The following FARP2 variants were observed in gnomAD, a reference collection of about 807,000 sequenced individuals.
The protein encoded by FARP2 is FERM, ARHGEF and pleckstrin domain-containing protein 2.
FARP2 carries 111 observed loss-of-function variants against 130.5 expected under a neutral mutation model. The observed-to-expected ratio is 0.85, with a 90% CI of 0.73 to 1.00. FARP2 has a LOEUF of 1.00. FARP2 is among the 50% of genes least tolerant of loss of function. FARP2 has a pLI of 0.00. For synonymous variants in FARP2, 504 were observed against 516.9 expected, an observed-to-expected ratio of 0.98 and a Z score of 0.34; for missense variants, 1,385 against 1,346.3, an observed-to-expected ratio of 1.03 and a Z score of -0.45.
At chr2:241,456,448 C>A in intron 13 of FARP2, 1 of 301,402 alleles carries the variant, frequency 3.3e-6, no homozygotes. Context: ...TCTGCAGAGC[C>A]CAAAAGAAGC....
At chr2:241,403,668 C>T (rs1007679049) in intron 2 of FARP2, among the ~76,000 whole-genome samples, 160 bp from the exon 3 acceptor site, 5 of 151,888 alleles carry the variant, frequency 3.3e-5, no homozygotes, top group African/African-American at 1.2e-4. Context: ...AGCACAAATG[C>T]TTCAGACTTT....
Position 241,431,685 on chromosome 2 carries a change from A to G in FARP2, c.778A>G (p.Thr260Ala). 3 of 1,577,418 alleles carry G rather than the reference A, an allele frequency of 1.9e-6. No homozygotes were observed. Among genetic ancestry groups the G allele is most frequent in the Non-Finnish European group, 2.6e-6 (3 of 1,149,942 alleles). The change falls in exon 9 of 27, where the codon ACC (threonine) becomes GCC (alanine). Residue 260 changes from threonine (T) to alanine (A), a missense_variant. Thr to Ala is a moderately conservative substitution (Grantham distance 58). Coordinates refer to ENST00000264042, the MANE Select transcript of FARP2 (RefSeq NM_014808.4). The stretch of plus-strand genomic sequence containing the variant: ...TCTGTCTCTTGCATTTCAGGGCACC[A>G]CCAAAATCAACACTTTCAACTGGTC... ...HMGVLVFQGT[T>A]KINTFNWSKV...
In FARP2 at chr2:241,430,520, C is replaced by G. The variant is rs371888067; in HGVS notation, c.772-1159C>G. ...TATCTGTGTCTGTATCTGCTGAAACCAGGAATTCCCATCATTCGCTCCTGT... is the reference window on the plus strand; with the variant it reads ...TATCTGTGTCTGTATCTGCTGAAACGAGGAATTCCCATCATTCGCTCCTGT... On this transcript the variant is annotated intron_variant, in intron 8 of 26. Coordinates refer to ENST00000264042, the MANE Select transcript of FARP2 (RefSeq NM_014808.4). 3.9e-5 allele frequency among the ~76,000 whole-genome samples: 6 copies of G among 152,070 alleles called. No homozygotes were observed. The East Asian group carries it at 5.8e-4, about 15-fold the overall frequency.
chr2:241,358,958 A>C (rs534961940), intron 1 of FARP2, among the ~76,000 whole-genome samples: 1 of 152,338 alleles, frequency 6.6e-6, no homozygotes, highest in African/African-American at 2.4e-5. Context: ...CACACTTTTC[A>C]AAACAATCTG....
At chr2:241,464,060 G>A (rs2064100647) in intron 17 of FARP2, 80 bp downstream of exon 17, 1 of 1,180,720 alleles carries the variant, frequency 8.5e-7, no homozygotes, top group South Asian at 1.3e-5. Flanking sequence ...AGGCCCGTCA[G>A]AACAGCGTCC....
intron 2 of FARP2, chr2:241,386,618 G>C (rs530638863): frequency 6.6e-6 from 1 of 152,252 alleles, no homozygotes; most frequent in African/African-American, 2.4e-5. Context: ...ACGCGTCTTC[G>C]TGCATTGCAT....
chr2:241,364,890 ATATAGTCT>A (rs1391155649), intron 1 of FARP2, among the ~76,000 whole-genome samples: 1 of 152,196 alleles, frequency 6.6e-6, no homozygotes, highest in Non-Finnish European at 1.5e-5. Flanking sequence ...ATCCCTGTAA[ATATAGTCT>A]TATGTTTTTT....
chr2:241,441,634 G>C, intron 13 of FARP2, 78 bp downstream of exon 13: 1 of 1,598,660 alleles, frequency 6.3e-7, no homozygotes, highest in Non-Finnish European at 8.6e-7. Flanking sequence ...CTTAGACCTA[G>C]ACACAGGGAG....
At position 241,366,129 on chromosome 2, in the gene FARP2, A is replaced by ATATATACATATATATATATACG. The variant is rs1553705686; in HGVS notation, c.-24-6949_-24-6948insCATATATATATATACGTATATA. Among the ~76,000 whole-genome samples the ATATATACATATATATATATACG allele has an allele frequency of 7.0e-4, 69 of 99,216 alleles. 3 individuals are homozygous for ATATATACATATATATATATACG. The highest frequency in any genetic ancestry group is 2.5e-3 in the African/African-American group (66 of 26,034). 65.1% of individuals were successfully genotyped at this position (99,216 alleles called of 152,430 possible). ...AATATATATATATATATACGTATATATATATATATACACACACACATATAT... is the reference window on the plus strand; with the variant it reads ...AATATATATATATATATACGTATATATATATACATATATATATATACGTATATATATACACACACACATATAT... On this transcript the variant is annotated intron_variant, in intron 1 of 26. Transcript: ENST00000264042.
intron 2 of FARP2, among the ~76,000 whole-genome samples, chr2:241,401,191 C>G (rs1018203021): frequency 1.1e-4 from 17 of 152,192 alleles, no homozygotes; most frequent in African/African-American, 3.9e-4. Flanking sequence ...ATTTCTTACA[C>G]AGTGAGAATC....
chr2:241,489,663 T>G, intron 21 of FARP2: 2 of 231,714 alleles, frequency 8.6e-6, no homozygotes, highest in Non-Finnish European at 1.7e-5. Flanking sequence ...CCAACTCCCT[T>G]TTGGATAATC....
chr2:241,369,558 A>G (rs1263538711), intron 1 of FARP2, among the ~76,000 whole-genome samples: 1 of 151,664 alleles, frequency 6.6e-6, no homozygotes, highest in Non-Finnish European at 1.5e-5. Context: ...TTAGCAGTAG[A>G]TGTTTAGACA....
chr2:241,372,443 G>C (rs936871120), intron 1 of FARP2: 1 of 152,146 alleles, frequency 6.6e-6, no homozygotes, highest in Non-Finnish European at 1.5e-5. Context: ...TAGAAAAATC[G>C]CGGGTTACAA....
At chr2:241,386,863 T>C (rs1399837050) in intron 2 of FARP2, 1 of 152,266 alleles carries the variant, frequency 6.6e-6, no homozygotes, top group East Asian at 1.9e-4. Flanking sequence ...ATGGTTTCAA[T>C]AACACTTTTT....
At chr2:241,468,427 G>T in intron 18 of FARP2, 50 bp downstream of exon 18, 1 of 1,467,146 alleles carries the variant, frequency 6.8e-7, no homozygotes. Flanking sequence ...GCGTGGCTGG[G>T]AGGCAGGGGC....
At position 241,441,321 on chromosome 2, in the gene FARP2, G is replaced by A; in HGVS notation, c.1176G>A (p.Glu392=). Residue 392 remains glutamate (E), a synonymous_variant, in exon 13 of 27, where the codon GAG becomes GAA. Transcript: ENST00000264042. ...DLPKQSISFP[E]GLRTPASPSS... ...GTTCCCAGAGCATCTCATTCCCCGA[G>A]GGATTGAGGACTCCTGCCTCCCCAT... 1.9e-6 allele frequency: 3 copies of A among 1,596,486 alleles called. No homozygotes were observed. Among genetic ancestry groups the A allele is most frequent in the Non-Finnish European group, 1.7e-6 (2 of 1,168,248 alleles).
intron 13 of FARP2, chr2:241,442,341 AC>A: frequency 2.2e-6 from 1 of 456,526 alleles, no homozygotes; most frequent in Non-Finnish European, 4.4e-6. Context: ...TCAGCTACCC[AC>A]CCACGACGGC....
intron 13 of FARP2, among the ~76,000 whole-genome samples, chr2:241,447,364 G>A (rs1220579047): frequency 6.6e-6 from 1 of 152,150 alleles, no homozygotes; most frequent in African/African-American, 2.4e-5. Context: ...TGGAAGGCCA[G>A]TGGGGAAAGG....
chr2:241,434,849 T>C (rs767819748), intron 10 of FARP2, 113 bp from the exon 11 acceptor site: 10 of 718,542 alleles, frequency 1.4e-5, no homozygotes, highest in Non-Finnish European at 2.2e-5. Flanking sequence ...AAATAAAATA[T>C]ATGTGTGTAT....
Sources: allele counts gnomAD v4.1 joint callset (sites outside exome capture counted in the v4.1 genomes callset), GRCh38; gene constraint gnomAD v4.1.1; transcripts MANE v1.5; gene names NCBI Gene and HGNC (gene_info 2026-07-23, HGNC 2026-07-21).